The following GNG7 variants were observed in gnomAD, a reference collection of about 807,000 sequenced individuals.
The protein encoded by GNG7 is G protein subunit gamma 7.
GNG7 carries 1 observed loss-of-function variant against 4.0 expected under a neutral mutation model. The observed-to-expected ratio is 0.25, with a 90% CI of 0.09 to 1.18. GNG7 has a LOEUF of 1.18. Ranked by LOEUF, GNG7 falls within the 50% of genes most tolerant of loss-of-function variation. The pLI, the probability that GNG7 is intolerant of heterozygous loss-of-function variation, is 0.50. For missense variants in GNG7, 86 were observed against 91.9 expected, an observed-to-expected ratio of 0.94 and a Z score of 0.26; for synonymous variants, 34 against 36.9, an observed-to-expected ratio of 0.92 and a Z score of 0.29.
chr19:2,569,396 C>T (rs1001413770), intron 2 of GNG7, among the ~76,000 whole-genome samples: 1 of 152,146 alleles, frequency 6.6e-6, no homozygotes. Flanking sequence ...CTGCCTCAGC[C>T]TCCCGAGTAG....
At chr19:2,589,965 C>A (rs1265362932) in intron 2 of GNG7, among the ~76,000 whole-genome samples, 1 of 152,144 alleles carries the variant, frequency 6.6e-6, no homozygotes, top group African/African-American at 2.4e-5. Context: ...ACATGCACTG[C>A]CGTACTCAGC....
At position 2,614,671 on chromosome 19, in the gene GNG7, G is replaced by A. The variant is rs1379974119; in HGVS notation, c.-78+31553C>T. Among the ~76,000 whole-genome samples, 2 of 152,208 alleles carry A rather than the reference G, an allele frequency of 1.3e-5. No individual in the cohort carries two copies. The highest frequency in any genetic ancestry group is 2.9e-5 in the Non-Finnish European group (2 of 68,046). On this transcript the variant is annotated intron_variant, in intron 2 of 4. Transcript: ENST00000382159. The surrounding 1 kb of genome is among the most constrained non-coding windows in gnomAD (Gnocchi z 6.0). ...GTTCCAGTGTGTGGAGGGCCACGCT[G>A]TTTATCTATTTACCCACGGACGGAC... is the stretch of plus-strand genomic sequence containing the variant.
rs185786188 is a variant in GNG7 at position 2,687,911 on chromosome 19, G to C, written c.-135+14735C>G. Among the ~76,000 whole-genome samples, 426 of 150,760 alleles carry C rather than the reference G, an allele frequency of 2.8e-3. 3 individuals are homozygous for C. The highest frequency in any genetic ancestry group is 0.014 in the Middle Eastern group (4 of 288). Reference sequence around the variant, plus strand: ...AATCAGTTGAACCTGAGTGAGCTGAGATCGTGCCACTGTACTCCAACCTGG... The same window carrying C: ...AATCAGTTGAACCTGAGTGAGCTGACATCGTGCCACTGTACTCCAACCTGG... On this transcript the variant is annotated intron_variant, in intron 1 of 4. Coordinates refer to ENST00000382159, the MANE Select transcript of GNG7 (RefSeq NM_052847.3).
intron 2 of GNG7, among the ~76,000 whole-genome samples, chr19:2,567,154 A>C (rs76148680): frequency 0.42 from 61,287 of 145,790 alleles, 13,104 homozygotes; most frequent in South Asian, 0.54. Context: ...AAAAAAAAAA[A>C]CACAAAAACA....
chr19:2,594,127 T>TG (rs1980936197), intron 2 of GNG7, among the ~76,000 whole-genome samples: 3 of 152,032 alleles, frequency 2.0e-5, no homozygotes, highest in Non-Finnish European at 4.4e-5. Context: ...TCCCAGCGCT[T>TG]TGGGAGGCCA....
At chr19:2,610,327 T>A (rs1354124405) in intron 2 of GNG7, 1 of 103,194 alleles carries the variant, frequency 9.7e-6, no homozygotes, top group African/African-American at 4.7e-5. Flanking sequence ...CACCTGGCTT[T>A]TTTTTTTTTA....
chr19:2,553,406 A>ATATG lies in GNG7; in HGVS notation c.-38+1742_-38+1743insCATA, dbSNP rs922326956. ...AGCATATATATATATACATATATAT[A>ATATG]TGTAATATACATTTTATATGCAATA... On this transcript the variant is annotated intron_variant, in intron 3 of 4. Coordinates refer to ENST00000382159, the MANE Select transcript of GNG7 (RefSeq NM_052847.3). Among the ~76,000 whole-genome samples the ATATG allele has an allele frequency of 6.8e-4, 100 of 147,210 alleles. 1 individual carries two copies. The highest frequency in any genetic ancestry group is 2.5e-3 in the African/African-American group (98 of 39,994).
At chr19:2,534,045 G>A (rs377499025) in intron 3 of GNG7, among the ~76,000 whole-genome samples, 5 of 152,222 alleles carry the variant, frequency 3.3e-5, no homozygotes, top group South Asian at 2.1e-4. Context: ...AGTGATAGGA[G>A]TTATAAATAT....
chr19:2,613,918 C>G (rs939107500), intron 2 of GNG7, among the ~76,000 whole-genome samples: 5 of 152,154 alleles, frequency 3.3e-5, no homozygotes, highest in African/African-American at 1.2e-4. Flanking sequence ...GTGTGTGGAT[C>G]CTGAATGAGA....
At chr19:2,566,577 CG>C (rs1028102954) in intron 2 of GNG7, among the ~76,000 whole-genome samples, 2 of 152,184 alleles carry the variant, frequency 1.3e-5, no homozygotes, top group Non-Finnish European at 2.9e-5. Context: ...CAGCAATGGT[CG>C]GGGGACACCT....
chr19:2,615,942 G>A (rs1471850768), intron 2 of GNG7, among the ~76,000 whole-genome samples: 3 of 152,212 alleles, frequency 2.0e-5, no homozygotes, highest in Admixed American at 6.5e-5. Flanking sequence ...GGCGCCTCCT[G>A]TCCCCTTCAA....
chr19:2,608,039 G>A (rs61110886), intron 2 of GNG7, among the ~76,000 whole-genome samples: 5,757 of 132,882 alleles, frequency 0.043, 383 homozygotes, highest in African/African-American at 0.15. Flanking sequence ...CAGAAGATCA[G>A]ATGGTATTTG....
At chr19:2,691,604 C>T (rs946500877) in intron 1 of GNG7, among the ~76,000 whole-genome samples, 1 of 151,498 alleles carries the variant, frequency 6.6e-6, no homozygotes, top group Non-Finnish European at 1.5e-5. Context: ...TGGTGGCTCA[C>T]GCCTGTAATC....
intron 1 of GNG7, chr19:2,683,777 G>A (rs546175296): frequency 6.6e-6 from 1 of 152,360 alleles, no homozygotes; most frequent in Non-Finnish European, 1.5e-5. Flanking sequence ...TGAAAAACCT[G>A]CCTGGGGCTG....
intron 2 of GNG7, among the ~76,000 whole-genome samples, chr19:2,577,558 G>A (rs1209628383): frequency 1.3e-5 from 2 of 152,032 alleles, no homozygotes; most frequent in Non-Finnish European, 2.9e-5. Context: ...TCTTCTGGGT[G>A]GGCGTGGTGG....
chr19:2,622,534 C>T (rs1470792939), intron 2 of GNG7, among the ~76,000 whole-genome samples: 2 of 151,926 alleles, frequency 1.3e-5, no homozygotes. Flanking sequence ...GCGAGCAACG[C>T]GGCAGAGAGG....
intron 1 of GNG7, among the ~76,000 whole-genome samples, chr19:2,681,746 C>T (rs1055909029): frequency 1.3e-5 from 2 of 152,110 alleles, no homozygotes; most frequent in African/African-American, 4.8e-5. Flanking sequence ...CATGAGGATC[C>T]CCGTGTCTCT....
chr19:2,517,660 T>C (rs1212059390), intron 4 of GNG7, among the ~76,000 whole-genome samples: 1 of 152,142 alleles, frequency 6.6e-6, no homozygotes, highest in Non-Finnish European at 1.5e-5. Context: ...CCACCGTGCC[T>C]GGCCTGGCCA....
At position 2,633,825 on chromosome 19, in the gene GNG7, T is replaced by C. The variant is rs964453168; in HGVS notation, c.-78+12399A>G. On this transcript the variant is annotated intron_variant, in intron 2 of 4. Transcript: ENST00000382159. The surrounding 1 kb of genome is among the most constrained non-coding windows in gnomAD (Gnocchi z 5.9). ...CCTTCTCCCCCCGGCACTGTGGGCA[T>C]TTGGGGCTGAATCATTCTTGGTTGT... 4.6e-5 allele frequency among the ~76,000 whole-genome samples: 7 copies of C among 152,066 alleles called. No individual in the cohort carries two copies. Among genetic ancestry groups the C allele is most frequent in the African/African-American group, 1.7e-4 (7 of 41,404 alleles).
Sources: gnomAD v4.1 joint callset for allele counts (sites outside exome capture counted in the v4.1 genomes callset) on GRCh38, gnomAD v4.1.1 for gene constraint, Gnocchi (gnomAD v3.1) non-coding constraint, MANE v1.5 for transcripts, NCBI Gene and HGNC (gene_info 2026-07-23, HGNC 2026-07-21) for gene names.